Variants in ERLIN2 observed in about 807,000 individuals in gnomAD.
ERLIN2 encodes erlin-2.
ERLIN2 carries 22 observed loss-of-function variants against 41.5 expected under a neutral mutation model. That is an observed-to-expected ratio of 0.53 (90% CI 0.38 to 0.76). The LOEUF is 0.76. Ranked by LOEUF, ERLIN2 falls within the 30% of genes least tolerant of loss-of-function variation. ERLIN2 has a pLI of 0.00. For synonymous variants in ERLIN2, 149 were observed against 150.9 expected, an observed-to-expected ratio of 0.99 and a Z score of 0.09; for missense variants, 247 against 414.3, an observed-to-expected ratio of 0.60 and a Z score of 3.51.
chr8:37,746,183 T>TCTCC, intron 6 of ERLIN2: 1 of 987,500 alleles, frequency 1.0e-6, no homozygotes. Context: ...GGAGCTCATG[T>TCTCC]CTCTAGTCCT....
chr8:37,740,244 G>A lies in ERLIN2; in HGVS notation c.108-121G>A. The A allele has an allele frequency of 1.5e-5, 11 of 744,278 alleles. No individual in the cohort carries two copies. In the South Asian group the frequency reaches 1.5e-4, roughly 10 times the overall value. The allele number at this position is 744,278 out of a possible 1,614,324, so 46.1% of individuals were successfully genotyped here. On this transcript the variant is annotated intron_variant, in intron 2 of 11. Coordinates refer to ENST00000519638, the MANE Select transcript of ERLIN2 (RefSeq NM_007175.8). Reference sequence around the variant, plus strand: ...AAAGGGATCTGTAGCCATGGCTGCAGCACATGTCACTCTCTATTATATGTT... The same window carrying A: ...AAAGGGATCTGTAGCCATGGCTGCAACACATGTCACTCTCTATTATATGTT...
In ERLIN2 at chr8:37,758,355, T is replaced by TA. The variant is rs1803402806; in HGVS notation, c.*4242dup. On this transcript the variant is annotated 3_prime_UTR_variant, in exon 12 of 12. Coordinates refer to ENST00000519638, the MANE Select transcript of ERLIN2 (RefSeq NM_007175.8). Reference sequence around the variant, plus strand: ...TACTTCTTAGGTGTGTGGTCTTGAATAAGTTTTTTGACCTCTCTAAGCCTC... The same window carrying TA: ...TACTTCTTAGGTGTGTGGTCTTGAATAAAGTTTTTTGACCTCTCTAAGCCTC... 1 of 152,246 alleles carries TA rather than the reference T, an allele frequency of 6.6e-6. No homozygotes were observed. Among genetic ancestry groups the TA allele is most frequent in the East Asian group, 1.9e-4 (1 of 5,202 alleles). 9.4% of individuals were successfully genotyped at this position (152,246 alleles called of 1,614,324 possible).
rs770233868 is a variant in ERLIN2, at chr8:37,742,340, T to TAA, written c.236+538_236+539dup. Among the ~76,000 whole-genome samples, 10 of 127,394 alleles carry TAA rather than the reference T, an allele frequency of 7.8e-5. No individual in the cohort carries two copies. The East Asian group carries it at 1.1e-3, about 14-fold the overall frequency. 83.6% of individuals were successfully genotyped at this position (127,394 alleles called of 152,430 possible). A position where few individuals can be genotyped will look rare whatever the true frequency, so the allele number is the denominator to read the frequency against. ...TGGCGACAGAGTGAGACTCCGTCTT[T>TAA]AAAAAAAAAAAAAAAAAGAAGTGAG... On this transcript the variant is annotated intron_variant, in intron 4 of 11. Transcript: ENST00000519638.
Position 37,753,549 on chromosome 8 carries a change from T to C in ERLIN2, c.819+20T>C. 1.2e-6 allele frequency: 2 copies of C among 1,608,926 alleles called. No individual in the cohort carries two copies. The highest frequency in any genetic ancestry group is 1.7e-6 in the Non-Finnish European group (2 of 1,175,388). On this transcript the variant is annotated intron_variant, in intron 11 of 11. Coordinates refer to ENST00000519638, the MANE Select transcript of ERLIN2 (RefSeq NM_007175.8). The stretch of plus-strand genomic sequence containing the variant: ...AATAAGGTAAAGACCCCGCACAGCC[T>C]GATAAAAAGGAGTCTTTGGGTCTGG...
rs368687557 is a variant in ERLIN2, at chr8:37,753,482, G to A, written c.772G>A (p.Ala258Thr). ...ATTTCTGGCCCGGGAGAAGGCAAAG[G>A]CAGATGCTGAGTGCTACACTGCTAT... ...AAFLAREKAKADAECYTAMKI... is the reference protein window; with the variant it reads ...AAFLAREKAKTDAECYTAMKI... Residue 258 changes from alanine (A) to threonine (T), a missense_variant, in exon 11 of 12, where the codon GCA (alanine) becomes ACA (threonine). Physicochemically the swap from Ala to Thr is moderately conservative, Grantham distance 58 (BLOSUM62 0). Around this residue, in one of 3 missense-constraint regions of ERLIN2, gnomAD observed 153 missense variants for 256.4 expected, o/e 0.60. Transcript: ENST00000519638. The A allele has an allele frequency of 1.2e-6, 2 of 1,614,132 alleles. No homozygotes were observed. Among genetic ancestry groups the A allele is most frequent in the Non-Finnish European group, 1.7e-6 (2 of 1,180,008 alleles).
intron 4 of ERLIN2, among the ~76,000 whole-genome samples, chr8:37,743,530 A>C (rs758577640): frequency 2.0e-5 from 3 of 152,210 alleles, no homozygotes; most frequent in Non-Finnish European, 4.4e-5. Context: ...ACCTTCTTAA[A>C]GGTCTAATCT....
chr8:37,750,540 G>T, intron 9 of ERLIN2, 54 bp downstream of exon 9: 2 of 1,482,574 alleles, frequency 1.3e-6, no homozygotes, highest in South Asian at 1.1e-5. Context: ...TGGGGGTGGT[G>T]GGAAGATGCA....
At position 37,754,219 on chromosome 8, in the gene ERLIN2, A is replaced by G. The variant is rs1233668453; in HGVS notation, c.*104A>G. 73 of 881,830 alleles carry G rather than the reference A, an allele frequency of 8.3e-5. No individual in the cohort carries two copies. The highest frequency in any genetic ancestry group is 1.4e-4 in the Non-Finnish European group (73 of 538,886). The allele number at this position is 881,830 out of a possible 1,614,324, so 54.6% of individuals were successfully genotyped here. A position where few individuals can be genotyped will look rare whatever the true frequency, so the allele number is the denominator to read the frequency against. Reference sequence around the variant, plus strand: ...CGACTACCTTCTCTGACTGTCTTCCAGTTACTGTGGTGAAAAAGAAGAAAT... The same window carrying G: ...CGACTACCTTCTCTGACTGTCTTCCGGTTACTGTGGTGAAAAAGAAGAAAT... On this transcript the variant is annotated 3_prime_UTR_variant, in exon 12 of 12. Transcript: ENST00000519638.
intron 2 of ERLIN2, 115 bp from the exon 3 acceptor site, chr8:37,740,250 G>C: frequency 1.3e-6 from 1 of 755,494 alleles, no homozygotes; most frequent in Admixed American, 1.7e-5. Flanking sequence ...TGCAGCACAT[G>C]TCACTCTCTA....
intron 10 of ERLIN2, 95 bp downstream of exon 10, chr8:37,751,810 T>C (rs1339824374): frequency 1.1e-6 from 1 of 895,942 alleles, no homozygotes; most frequent in Non-Finnish European, 1.8e-6. Context: ...TTAACTGTGC[T>C]CAAGGATGTC....
At position 37,748,043 on chromosome 8, in the gene ERLIN2, G is replaced by C. The variant is rs762565073; in HGVS notation, c.425-1516G>C. On this transcript the variant is annotated intron_variant, in intron 6 of 11. Transcript: ENST00000519638. ...AACCTGAAAAACTCTACGCAAAGAA[G>C]AGGGTCGCGCCGAAATGACGTCACG... 5.8e-6 allele frequency: 9 copies of C among 1,560,410 alleles called. No homozygotes were observed. The South Asian group carries it at 1.0e-4, about 17-fold the overall frequency.
chr8:37,750,326 C>T (rs974936583), intron 8 of ERLIN2, 69 bp from the exon 9 acceptor site: 10 of 1,242,166 alleles, frequency 8.1e-6, no homozygotes, highest in African/African-American at 1.5e-5. Flanking sequence ...CAGAAGAATT[C>T]GACTTACCTG....
At chr8:37,748,089 C>T (rs1803118901) in intron 6 of ERLIN2, 6 of 964,994 alleles carry the variant, frequency 6.2e-6, no homozygotes, top group Non-Finnish European at 8.3e-6. Context: ...GCGCCTTTTC[C>T]CTGCGGCTAC....
chr8:37,749,674 C>G (rs1389544767), intron 7 of ERLIN2, 42 bp downstream of exon 7: 11 of 1,568,542 alleles, frequency 7.0e-6, no homozygotes, highest in Non-Finnish European at 9.7e-6. Flanking sequence ...CTCTCTGACA[C>G]TGCTTCCCTT....
rs1018809066 is a variant in ERLIN2 at position 37,744,340 on chromosome 8, T to C, written c.237-15T>C. Reference sequence around the variant, plus strand: ...AGGCTTCCCAGTGACTTCTTGTCCATTCTCCCTCCAATAGTGGTGGTGTGA... The same window carrying C: ...AGGCTTCCCAGTGACTTCTTGTCCACTCTCCCTCCAATAGTGGTGGTGTGA... On this transcript the variant is annotated splice_polypyrimidine_tract_variant and intron_variant, in intron 4 of 11. Transcript: ENST00000519638. The C allele has an allele frequency of 1.2e-6, 2 of 1,611,362 alleles. No individual in the cohort carries two copies. Among genetic ancestry groups the C allele is most frequent in the Non-Finnish European group, 1.7e-6 (2 of 1,177,410 alleles).
intron 8 of ERLIN2, 96 bp downstream of exon 8, chr8:37,749,948 T>C (rs1381194885): frequency 9.1e-7 from 1 of 1,101,378 alleles, no homozygotes; most frequent in Admixed American, 1.7e-5. Flanking sequence ...GGCTTCTCGG[T>C]TATCCCCTTG....
chr8:37,742,746 A>G (rs921796029), intron 4 of ERLIN2, among the ~76,000 whole-genome samples: 1 of 152,226 alleles, frequency 6.6e-6, no homozygotes, highest in African/African-American at 2.4e-5. Flanking sequence ...CTGAGCAGCA[A>G]ACCACCATGG....
At position 37,749,556 on chromosome 8, in the gene ERLIN2, C is replaced by T. The variant is rs763488476; in HGVS notation, c.425-3C>T. 46 of 1,608,170 alleles carry T rather than the reference C, an allele frequency of 2.9e-5. No individual in the cohort carries two copies. The highest frequency in any genetic ancestry group is 3.7e-5 in the Non-Finnish European group (43 of 1,174,688). On this transcript the variant is annotated splice_polypyrimidine_tract_variant and splice_region_variant and intron_variant, in intron 6 of 11. Transcript: ENST00000519638. ...CTTTTTCTCCATCTTTTCTTTATTC[C>T]AGATCAGATTGATGAAAATCTCAAA... is the stretch of plus-strand genomic sequence containing the variant.
chr8:37,758,136 T>C lies in ERLIN2; in HGVS notation c.*4021T>C, dbSNP rs1453041135. On this transcript the variant is annotated 3_prime_UTR_variant, in exon 12 of 12. Transcript: ENST00000519638. ...TATGTGTAATTCATATTTAACTGGG[T>C]ATCCTGTATTTTTACTTGTTAAGTC... is the stretch of plus-strand genomic sequence containing the variant. The C allele has an allele frequency of 6.6e-6, 1 of 152,224 alleles. No homozygotes were observed. The highest frequency in any genetic ancestry group is 2.4e-5 in the African/African-American group (1 of 41,456). The allele number at this position is 152,224 out of a possible 1,614,324, so 9.4% of individuals were successfully genotyped here. A position where few individuals can be genotyped will look rare whatever the true frequency, so the allele number is the denominator to read the frequency against.
Sources: allele counts gnomAD v4.1 joint callset (sites outside exome capture counted in the v4.1 genomes callset), GRCh38; gene constraint gnomAD v4.1.1; regional missense constraint gnomAD v4.1.1; transcripts MANE v1.5; gene names NCBI Gene and HGNC (gene_info 2026-07-23, HGNC 2026-07-21).